MTARC1: variants seen among roughly 807,000 people sequenced by gnomAD.
MTARC1 encodes mitochondrial amidoxime-reducing component 1.
MTARC1 carries 24 observed loss-of-function variants against 33.6 expected under a neutral mutation model. That is an observed-to-expected ratio of 0.72 (90% CI 0.52 to 1.01). The LOEUF (loss-of-function observed/expected upper bound fraction) is 1.01. MTARC1 is among the 50% of genes least tolerant of loss of function. The pLI is 0.00. For synonymous variants in MTARC1, 187 were observed against 189.5 expected (o/e 0.99, Z 0.11); for missense variants, 417 against 445.7 (o/e 0.94, Z 0.58).
At chr1:220,806,042 A>T (rs1672959750) in intron 6 of MTARC1, among the ~76,000 whole-genome samples, 1 of 152,218 alleles carries the variant, frequency 6.6e-6, no homozygotes, top group Non-Finnish European at 1.5e-5. Flanking sequence ...CAAAATGGAG[A>T]TACTCTTTTG....
intron 1 of MTARC1, among the ~76,000 whole-genome samples, chr1:220,787,884 T>G (rs1038879740): frequency 6.6e-6 from 1 of 152,132 alleles, no homozygotes; most frequent in African/African-American, 2.4e-5. Flanking sequence ...GGCGCGCACC[T>G]GTAATCCCAG....
chr1:220,808,297 C>T (rs1267831810), intron 6 of MTARC1, among the ~76,000 whole-genome samples: 2 of 152,142 alleles, frequency 1.3e-5, no homozygotes, highest in African/African-American at 4.8e-5. Context: ...AGGCGGGGGG[C>T]GCAAGGAGCC....
chr1:220,794,524 G>C (rs2378406), intron 2 of MTARC1, among the ~76,000 whole-genome samples: 1 of 146,282 alleles, frequency 6.8e-6, no homozygotes, highest in Non-Finnish European at 1.5e-5. Context: ...CTGTGAATAA[G>C]AAAACGATAG....
At chr1:220,799,714 A>G (rs1329786214) in intron 4 of MTARC1, among the ~76,000 whole-genome samples, 1 of 152,108 alleles carries the variant, frequency 6.6e-6, no homozygotes, top group Non-Finnish European at 1.5e-5. Flanking sequence ...CAATTGTACA[A>G]GGCCAGAGGA....
intron 1 of MTARC1, among the ~76,000 whole-genome samples, chr1:220,787,932 C>T (rs1672291599): frequency 6.6e-6 from 1 of 152,086 alleles, no homozygotes. Flanking sequence ...AGCTTGAACC[C>T]GGGAGGTGGA....
intron 6 of MTARC1, chr1:220,808,829 G>A (rs1272598967): frequency 1.9e-5 from 9 of 471,166 alleles, no homozygotes; most frequent in South Asian, 1.2e-4. Context: ...AGGAAGATAT[G>A]AAAATGGAAT....
Position 220,787,170 on chromosome 1 carries a change from G to C in MTARC1, c.226G>C (p.Glu76Gln), listed in dbSNP as rs775260812. 1.3e-5 allele frequency: 20 copies of C among 1,579,868 alleles called. No individual in the cohort carries two copies. Among genetic ancestry groups the C allele is most frequent in the Non-Finnish European group, 1.7e-5 (20 of 1,163,736 alleles). ...VKSCKGVPVS[E>Q]AECTAMGLRS... ...ATCCTGCAAGGGGGTGCCGGTGAGCGAGGCGGAGTGCACGGCCATGGGGCT... is the reference window on the plus strand; with the variant it reads ...ATCCTGCAAGGGGGTGCCGGTGAGCCAGGCGGAGTGCACGGCCATGGGGCT... The change falls in exon 1 of 7, where the codon GAG (glutamate) becomes CAG (glutamine). Residue 76 changes from glutamate (E) to glutamine (Q), a missense_variant. Glu to Gln is a conservative substitution (Grantham distance 29). Coordinates refer to ENST00000366910, the MANE Select transcript of MTARC1 (RefSeq NM_022746.4).
intron 3 of MTARC1, among the ~76,000 whole-genome samples, chr1:220,797,015 A>G (rs936701474): frequency 5.3e-5 from 8 of 152,188 alleles, no homozygotes; most frequent in African/African-American, 1.7e-4. Flanking sequence ...GCCCTTGAGC[A>G]TCTACCTTCC....
At position 220,810,006 on chromosome 1, in the gene MTARC1, C is replaced by G. The variant is rs370486176; in HGVS notation, c.888-3286C>G. Among the ~76,000 whole-genome samples, 5 of 152,182 alleles carry G rather than the reference C, an allele frequency of 3.3e-5. No individual in the cohort carries two copies. In the East Asian group the frequency reaches 9.6e-4, roughly 29 times the overall value. ...CCCTCTGTGGTGCACAGCACTTTAA[C>G]GGTAACAAACTGTTTCCATTTACAT... On this transcript the variant is annotated intron_variant, in intron 6 of 6. Transcript: ENST00000366910.
chr1:220,791,927 T>C (rs1672436320), intron 2 of MTARC1, among the ~76,000 whole-genome samples: 1 of 152,120 alleles, frequency 6.6e-6, no homozygotes, highest in South Asian at 2.1e-4. Flanking sequence ...CATATTGACA[T>C]GTCAGCAAGA....
chr1:220,799,112 A>C (rs1382593591), intron 4 of MTARC1: 1 of 985,316 alleles, frequency 1.0e-6, no homozygotes, highest in African/African-American at 1.7e-5. Context: ...TTGAAGGGTC[A>C]GTTTGGATAA....
intron 4 of MTARC1, chr1:220,798,837 A>T: frequency 1.0e-6 from 1 of 985,196 alleles, no homozygotes; most frequent in Non-Finnish European, 1.2e-6. Context: ...AACAGGGAAA[A>T]ATGGAATCAA....
At chr1:220,806,561 C>A (rs1672979177) in intron 6 of MTARC1, among the ~76,000 whole-genome samples, 1 of 152,228 alleles carries the variant, frequency 6.6e-6, no homozygotes, top group Non-Finnish European at 1.5e-5. Context: ...CTCTCACCAA[C>A]CTCATGGCCT....
Position 220,786,932 on chromosome 1 carries a change from G to A in MTARC1, c.-13G>A, listed in dbSNP as rs1571657208. ...TCCGGCCTTGCCGCCGCCACCTCGC[G>A]GAGAAGCCAGCCATGGGCGCCGCCG... On this transcript the variant is annotated 5_prime_UTR_variant, in exon 1 of 7. Coordinates refer to ENST00000366910, the MANE Select transcript of MTARC1 (RefSeq NM_022746.4). 1 of 1,232,062 alleles carries A rather than the reference G, an allele frequency of 8.1e-7. No homozygotes were observed. 76.3% of individuals were successfully genotyped at this position (1,232,062 alleles called of 1,614,324 possible). A position where few individuals can be genotyped will look rare whatever the true frequency, so the allele number is the denominator to read the frequency against.
In MTARC1 at chr1:220,817,613, TA is replaced by T. The variant is rs1240396719; in HGVS notation, c.*4196del. 3 of 151,158 alleles carry T rather than the reference TA, an allele frequency of 2.0e-5. No homozygotes were observed. The highest frequency in any genetic ancestry group is 2.1e-4 in the South Asian group (1 of 4,734). The allele number at this position is 151,158 out of a possible 1,614,324, so 9.4% of individuals were successfully genotyped here. A position where few individuals can be genotyped will look rare whatever the true frequency, so the allele number is the denominator to read the frequency against. The stretch of plus-strand genomic sequence containing the variant: ...ATTGGTGCATTTACAATCCTTTAGC[TA>T]GACACAGAACACTGACTGGTGCATT... On this transcript the variant is annotated 3_prime_UTR_variant, in exon 7 of 7. Transcript: ENST00000366910.
rs1471889977 is a variant in MTARC1 at position 220,818,987 on chromosome 1, G to A, written c.*5569G>A. 1.3e-5 allele frequency: 2 copies of A among 152,126 alleles called. No individual in the cohort carries two copies. The highest frequency in any genetic ancestry group is 6.5e-5 in the Admixed American group (1 of 15,272). The allele number at this position is 152,126 out of a possible 1,614,324, so 9.4% of individuals were successfully genotyped here. The stretch of plus-strand genomic sequence containing the variant: ...ATCGTCCAGCGCTCACATAGCTACC[G>A]CGGATCTGAGCCCGTATGACTCATT... On this transcript the variant is annotated 3_prime_UTR_variant, in exon 7 of 7. Coordinates refer to ENST00000366910, the MANE Select transcript of MTARC1 (RefSeq NM_022746.4).
chr1:220,812,044 C>T (rs900267801), intron 6 of MTARC1, among the ~76,000 whole-genome samples: 4 of 152,260 alleles, frequency 2.6e-5, no homozygotes, highest in Non-Finnish European at 4.4e-5. Flanking sequence ...GGGAATTACT[C>T]GTAGCTGGGG....
intron 4 of MTARC1, 28 bp downstream of exon 4, chr1:220,798,042 C>G: frequency 6.2e-7 from 1 of 1,614,092 alleles, no homozygotes; most frequent in Non-Finnish European, 8.5e-7. Context: ...TGGATCTTTC[C>G]TTGGATTTGA....
intron 3 of MTARC1, 40 bp downstream of exon 3, chr1:220,796,845 C>A (rs1236252074): frequency 2.6e-6 from 4 of 1,549,896 alleles, no homozygotes; most frequent in Admixed American, 4.1e-5. Flanking sequence ...AAAGCAGTCA[C>A]CCCCAGATCA....
Sources: allele counts gnomAD v4.1 joint callset (sites outside exome capture counted in the v4.1 genomes callset), GRCh38; gene constraint gnomAD v4.1.1; transcripts MANE v1.5; gene names NCBI Gene and HGNC (gene_info 2026-07-23, HGNC 2026-07-21).